The following FOCAD variants were observed in gnomAD, a reference collection of about 807,000 sequenced individuals.
The protein encoded by FOCAD is KIAA1797.
In FOCAD, 198 loss-of-function variants were observed where a neutral mutation model predicts 225.6. That is an observed-to-expected ratio of 0.88 (90% CI 0.78 to 0.99). The LOEUF is 0.99. Ranked by LOEUF, FOCAD falls within the 50% of genes least tolerant of loss-of-function variation. The pLI, the probability that FOCAD is intolerant of heterozygous loss-of-function variation, is 0.00. For synonymous variants in FOCAD, 897 were observed against 755.0 expected (o/e 1.19, Z -3.08); for missense variants, 2,713 against 2,123.6 (o/e 1.28, Z -5.46).
chr9:20,845,647 G>C (rs930749251), intron 15 of FOCAD, among the ~76,000 whole-genome samples: 3 of 151,770 alleles, frequency 2.0e-5, no homozygotes, highest in Admixed American at 2.0e-4. Flanking sequence ...TTTTAGAAAT[G>C]GGGCTGCCGG....
chr9:20,881,808 G>C, intron 19 of FOCAD, 63 bp from the exon 20 acceptor site: 1 of 1,513,556 alleles, frequency 6.6e-7, no homozygotes. Flanking sequence ...AGTTAAGAAC[G>C]CATGTTTCTC....
chr9:20,693,868 G>T (rs1392449941), intron 1 of FOCAD, among the ~76,000 whole-genome samples: 1 of 152,092 alleles, frequency 6.6e-6, no homozygotes, highest in Admixed American at 6.5e-5. Flanking sequence ...GTGCTTCCAC[G>T]CCTGGTTAAT....
chr9:20,948,231 T>G (rs753231395), intron 30 of FOCAD, 40 bp from the exon 31 acceptor site: 1 of 1,551,154 alleles, frequency 6.4e-7, no homozygotes, highest in South Asian at 1.2e-5. Context: ...GTGTCTTTTT[T>G]TTTTCTTTTT....
intron 19 of FOCAD, chr9:20,875,331 A>C (rs1280926260): frequency 6.5e-6 from 1 of 153,926 alleles, no homozygotes. Context: ...TGTAAAGCTT[A>C]TAGGGCCTTT....
At chr9:20,687,614 CT>C (rs924941688) in intron 1 of FOCAD, among the ~76,000 whole-genome samples, 1 of 152,118 alleles carries the variant, frequency 6.6e-6, no homozygotes, top group Non-Finnish European at 1.5e-5. Flanking sequence ...ATGGAGGAAA[CT>C]TTTTATTAAA....
intron 11 of FOCAD, among the ~76,000 whole-genome samples, chr9:20,817,828 A>G (rs1365750304): frequency 6.6e-6 from 1 of 152,158 alleles, no homozygotes; most frequent in Non-Finnish European, 1.5e-5. Flanking sequence ...GCCATTGTAA[A>G]TAATGCTTTT....
At chr9:20,692,482 C>T (rs1346869519) in intron 1 of FOCAD, among the ~76,000 whole-genome samples, 2 of 152,206 alleles carry the variant, frequency 1.3e-5, no homozygotes, top group African/African-American at 2.4e-5. Context: ...TTGTTACCTA[C>T]TCCCAACATT....
At chr9:20,801,875 C>A (rs1197539488) in intron 11 of FOCAD, among the ~76,000 whole-genome samples, 1 of 152,132 alleles carries the variant, frequency 6.6e-6, no homozygotes, top group Admixed American at 6.5e-5. Flanking sequence ...CCCAGAATGC[C>A]TCAAGTTGGA....
intron 5 of FOCAD, among the ~76,000 whole-genome samples, chr9:20,741,195 G>C (rs1441651873): frequency 6.6e-6 from 1 of 152,176 alleles, no homozygotes; most frequent in Non-Finnish European, 1.5e-5. Context: ...TTTGCTGTGA[G>C]CCACCACTGA....
chr9:20,952,912 A>G (rs1837810098), intron 34 of FOCAD, 73 bp from the exon 35 acceptor site: 9 of 1,177,104 alleles, frequency 7.6e-6, no homozygotes, highest in South Asian at 1.2e-5. Context: ...ATATGGCAGC[A>G]TGAGATCATT....
intron 35 of FOCAD, among the ~76,000 whole-genome samples, chr9:20,961,060 G>A (rs1294003684): frequency 6.6e-6 from 1 of 151,896 alleles, no homozygotes; most frequent in African/African-American, 2.4e-5. Context: ...ACATACATGT[G>A]CACAGAATGG....
intron 22 of FOCAD, among the ~76,000 whole-genome samples, chr9:20,910,990 T>G (rs186275618): frequency 1.3e-5 from 2 of 152,246 alleles, no homozygotes; most frequent in East Asian, 3.9e-4. Flanking sequence ...TTTTCTTGTG[T>G]TTTGTTTATC....
At chr9:20,954,017 C>G (rs184046287) in intron 35 of FOCAD, among the ~76,000 whole-genome samples, 27 of 152,288 alleles carry the variant, frequency 1.8e-4, no homozygotes, top group Non-Finnish European at 3.1e-4. Flanking sequence ...GTACAGTAAT[C>G]CCTGGAGCTT....
intron 21 of FOCAD, among the ~76,000 whole-genome samples, chr9:20,902,510 A>G (rs969029299): frequency 6.6e-6 from 1 of 151,936 alleles, no homozygotes; most frequent in Admixed American, 6.6e-5. Context: ...TGAACATTAT[A>G]CAAAAGAGTT....
In FOCAD at chr9:20,676,747, A is replaced by T. The variant is rs1008605431; in HGVS notation, c.-77-17773A>T. Among the ~76,000 whole-genome samples, 4 of 152,220 alleles carry T rather than the reference A, an allele frequency of 2.6e-5. 1 individual carries two copies. The highest frequency in any genetic ancestry group is 2.6e-4 in the Admixed American group (4 of 15,272). On this transcript the variant is annotated intron_variant, in intron 2 of 45. Coordinates refer to the FOCAD transcript ENST00000380249. The stretch of plus-strand genomic sequence containing the variant: ...CATCAAAATCCATTTATTAAAGAAG[A>T]CACAGATAAATGGAAAGACATCCTC...
At chr9:20,778,899 A>C in intron 9 of FOCAD, 131 bp downstream of exon 9, 2 of 508,668 alleles carry the variant, frequency 3.9e-6, no homozygotes, top group Non-Finnish European at 6.8e-6. Flanking sequence ...ATTATTAAAT[A>C]GAATTTTTTT....
chr9:20,725,015 C>CA (rs915756476), intron 4 of FOCAD, among the ~76,000 whole-genome samples: 2 of 151,814 alleles, frequency 1.3e-5, no homozygotes, highest in African/African-American at 4.8e-5. Context: ...ACTAAAAATA[C>CA]AAAAAAAATT....
intron 8 of FOCAD, among the ~76,000 whole-genome samples, chr9:20,775,182 G>A (rs1427598616): frequency 1.3e-5 from 2 of 152,128 alleles, no homozygotes; most frequent in East Asian, 3.8e-4. Context: ...TTCTTAGGCT[G>A]CATTAGTTTT....
chr9:20,800,123 A>G (rs559351655), intron 11 of FOCAD, among the ~76,000 whole-genome samples: 40 of 152,254 alleles, frequency 2.6e-4, no homozygotes, highest in Admixed American at 2.0e-3. Context: ...ATTTGGCTGG[A>G]TATGAAATTC....
Sources: gnomAD v4.1 joint callset for allele counts (sites outside exome capture counted in the v4.1 genomes callset) on GRCh38, gnomAD v4.1.1 for gene constraint, MANE v1.5 for transcripts, NCBI Gene and HGNC (gene_info 2026-07-23, HGNC 2026-07-21) for gene names.